POLB: variants seen among roughly 807,000 people sequenced by gnomAD.
POLB encodes 5'-dRP lyase.
POLB carries 37 observed loss-of-function variants against 52.7 expected under a neutral mutation model. That is an observed-to-expected ratio of 0.70 (90% confidence interval 0.54 to 0.92). The LOEUF (loss-of-function observed/expected upper bound fraction) is 0.92. Among genes scored for constraint, POLB ranks in the 40% least tolerant of loss-of-function variants. The probability of loss-of-function intolerance (pLI) is 0.00; values close to 1 mark genes in which losing one functional copy is unlikely to be tolerated. For missense variants in POLB, 313 were observed against 400.8 expected, an observed-to-expected ratio of 0.78 and a Z score of 1.87; for synonymous variants, 138 against 131.3, an observed-to-expected ratio of 1.05 and a Z score of -0.35.
rs753569815 is a variant in POLB at position 42,350,047 on chromosome 8, C to A, written c.302C>A (p.Thr101Asn). The A allele has an allele frequency of 3.1e-6, 5 of 1,605,474 alleles. No homozygotes were observed. The South Asian group carries it at 4.4e-5, about 14-fold the overall frequency. The change falls in exon 5 of 14, where the codon ACT becomes AAT. Residue 101 changes from threonine (T) to asparagine (N), a missense_variant. Physicochemically the swap from Thr to Asn is moderately conservative, Grantham distance 65. Around this residue, in one of 3 missense-constraint regions of POLB, gnomAD observed 246 missense variants for 297.6 expected, o/e 0.83. Transcript: ENST00000265421. ...ACGAGTTCATCCATCAATTTCCTGA[C>A]TCGAGTTAGTGGCATTGGGTAAGAA... Reference protein sequence around the residue: ...DDTSSSINFLTRVSGIGPSAA... With the variant: ...DDTSSSINFLNRVSGIGPSAA...
At chr8:42,342,955 G>A (rs1585866631) in intron 2 of POLB, among the ~76,000 whole-genome samples, 2 of 152,056 alleles carry the variant, frequency 1.3e-5, no homozygotes, top group Admixed American at 6.6e-5. Context: ...TTGGGAGACC[G>A]AGGCAGGTGG....
At chr8:42,370,259 G>GTTTT (rs34271342) in intron 13 of POLB, 94 of 290,462 alleles carry the variant, frequency 3.2e-4, no homozygotes, top group Middle Eastern at 7.9e-4. Flanking sequence ...ATCTAAAAGG[G>GTTTT]TTTTTTTTTT....
rs138219401 is a variant in POLB, at chr8:42,344,951, A to G, written c.120-2A>G. ...GGTTTTCCTTTTCTTCTTTCCTTAT[A>G]GAAAAGCAGCATCTGTTATAGCAAA... On this transcript the variant is annotated splice_acceptor_variant, in intron 2 of 13. Transcript: ENST00000265421. LOFTEE classifies it high-confidence loss of function. 6.3e-7 allele frequency: 1 copy of G among 1,584,330 alleles called. No individual in the cohort carries two copies. Among genetic ancestry groups the G allele is most frequent in the Non-Finnish European group, 8.7e-7 (1 of 1,153,372 alleles).
At chr8:42,361,595 G>C in intron 10 of POLB, 1 of 493,996 alleles carries the variant, frequency 2.0e-6, no homozygotes, top group Non-Finnish European at 3.6e-6. Flanking sequence ...AGAAAACATT[G>C]AATACAATAG....
At chr8:42,343,687 C>T (rs1329816425) in intron 2 of POLB, among the ~76,000 whole-genome samples, 1 of 152,058 alleles carries the variant, frequency 6.6e-6, no homozygotes, top group Non-Finnish European at 1.5e-5. Context: ...GTCTCCCCAT[C>T]CCTTGAGTAT....
Position 42,349,051 on chromosome 8 carries a change from T to A in POLB, c.222T>A (p.Asp74Glu). 6.2e-7 allele frequency: 1 copy of A among 1,606,682 alleles called. No individual in the cohort carries two copies. The highest frequency in any genetic ancestry group is 8.5e-7 in the Non-Finnish European group (1 of 1,174,450). ...GVGTKIAEKIDEFLATGKLRK... is the reference protein window; with the variant it reads ...GVGTKIAEKIEEFLATGKLRK... ...GAACAAAAATTGCTGAAAAGATTGA[T>A]GAGTTTTTAGCAACTGGAAAATTAC... is the stretch of plus-strand genomic sequence containing the variant. Residue 74 changes from aspartate (D) to glutamate (E), a missense_variant, in exon 4 of 14, where the codon GAT becomes GAA. Around this residue, in one of 3 missense-constraint regions of POLB, gnomAD observed 13 missense variants for 39.8 expected, o/e 0.33. Coordinates refer to ENST00000265421, the MANE Select transcript of POLB (RefSeq NM_002690.3).
chr8:42,357,541 G>GGGGAA, intron 9 of POLB, 149 bp downstream of exon 9: 7 of 519,126 alleles, frequency 1.3e-5, no homozygotes, highest in Non-Finnish European at 2.4e-5. Context: ...TTTGTTTATA[G>GGGGAA]ATGGGAATAT....
chr8:42,363,809 G>A (rs956488797), intron 11 of POLB, among the ~76,000 whole-genome samples: 2 of 152,004 alleles, frequency 1.3e-5, no homozygotes, highest in African/African-American at 4.8e-5. Context: ...AAAGTTGATT[G>A]GGGGGGAATT....
At chr8:42,370,060 T>G (rs1824281191) in intron 13 of POLB, 72 bp downstream of exon 13, 1 of 1,175,676 alleles carries the variant, frequency 8.5e-7, no homozygotes, top group Admixed American at 1.7e-5. Flanking sequence ...ATACTTTGGT[T>G]TAGCAAACCT....
intron 11 of POLB, among the ~76,000 whole-genome samples, chr8:42,368,435 C>T (rs1352263176): frequency 1.3e-5 from 2 of 152,186 alleles, no homozygotes; most frequent in Non-Finnish European, 2.9e-5. Flanking sequence ...CATGTGTTAA[C>T]TTGACCACTC....
At position 42,349,024 on chromosome 8, in the gene POLB, A is replaced by G; in HGVS notation, c.195A>G (p.Val65=). Residue 65 remains valine, a synonymous_variant, in exon 4 of 14, where the codon GTA becomes GTG. Coordinates refer to ENST00000265421, the MANE Select transcript of POLB (RefSeq NM_002690.3). ...SGAEAKKLPG[V]GTKIAEKIDE... ...TCTAATTTTCCATGTAGCCTGGAGT[A>G]GGAACAAAAATTGCTGAAAAGATTG... 6.3e-7 allele frequency: 1 copy of G among 1,590,010 alleles called. No homozygotes were observed. Among genetic ancestry groups the G allele is most frequent in the Non-Finnish European group, 8.6e-7 (1 of 1,159,398 alleles).
rs1821986272 is a variant in POLB, at chr8:42,338,546, TC to T, written c.-77del. ...GGTTGCTCCTGCTCCCGTCTCCAAGTCCTGGTACCTCCTTCAAGCTGGGAGA... is the reference window on the plus strand; with the variant it reads ...GGTTGCTCCTGCTCCCGTCTCCAAGTCTGGTACCTCCTTCAAGCTGGGAGA... On this transcript the variant is annotated 5_prime_UTR_variant, in exon 1 of 14. Coordinates refer to ENST00000265421, the MANE Select transcript of POLB (RefSeq NM_002690.3). 5.1e-5 allele frequency: 66 copies of T among 1,301,638 alleles called. No homozygotes were observed. The South Asian group carries it at 7.6e-4, about 15-fold the overall frequency. 80.6% of individuals were successfully genotyped at this position (1,301,638 alleles called of 1,614,324 possible). A position where few individuals can be genotyped will look rare whatever the true frequency, so the allele number is the denominator to read the frequency against.
At position 42,369,862 on chromosome 8, in the gene POLB, G is replaced by C. The variant is rs2130862734; in HGVS notation, c.787G>C (p.Asp263His). 2.5e-6 allele frequency: 4 copies of C among 1,589,364 alleles called. No individual in the cohort carries two copies. The East Asian group carries it at 8.9e-5, about 36-fold the overall frequency. ...RRIDIRLIPKDQYYCGVLYFT... is the reference protein window; with the variant it reads ...RRIDIRLIPKHQYYCGVLYFT... ...CATTTTTTTTAGGTTGATACCCAAA[G>C]ATCAGTATTACTGTGGTGTTCTCTA... Residue 263 changes from aspartate (D) to histidine (H), a missense_variant, in exon 13 of 14, where the codon GAT (aspartate) becomes CAT (histidine). This residue lies in a region of POLB where 246 missense variants were observed against 297.6 expected (regional missense o/e 0.83). Transcript: ENST00000265421.
chr8:42,354,464 G>T (rs1823175198), intron 6 of POLB: 1 of 1,285,108 alleles, frequency 7.8e-7, no homozygotes, highest in Non-Finnish European at 1.0e-6. Flanking sequence ...GAATGGAACT[G>T]AGTCACTTTT....
intron 6 of POLB, 132 bp from the exon 7 acceptor site, chr8:42,355,384 T>C (rs768651097): frequency 1.4e-5 from 9 of 627,782 alleles, no homozygotes; most frequent in Non-Finnish European, 2.6e-5. Flanking sequence ...AATTTTTGTC[T>C]CATTGTGTTT....
intron 2 of POLB, among the ~76,000 whole-genome samples, chr8:42,340,683 G>T (rs1215282937): frequency 1.3e-5 from 2 of 152,152 alleles, no homozygotes. Context: ...CTCCAAATCT[G>T]TGTATCACTG....
intron 9 of POLB, 22 bp from the exon 10 acceptor site, chr8:42,361,273 T>C (rs1823662828): frequency 1.9e-6 from 3 of 1,574,290 alleles, no homozygotes; most frequent in African/African-American, 1.3e-5. Context: ...GACAATCTCA[T>C]ATGTGTCTTC....
chr8:42,364,953 G>C (rs1823946852), intron 11 of POLB, among the ~76,000 whole-genome samples: 1 of 152,104 alleles, frequency 6.6e-6, no homozygotes, highest in Non-Finnish European at 1.5e-5. Context: ...TAGGCACAGT[G>C]GCTCATGTCT....
At chr8:42,363,067 G>A (rs921571108) in intron 11 of POLB, among the ~76,000 whole-genome samples, 1 of 151,240 alleles carries the variant, frequency 6.6e-6, no homozygotes, top group Admixed American at 6.6e-5. Context: ...GAGGTGCGGT[G>A]AGCATAGATC....
Sources: allele counts gnomAD v4.1 joint callset (sites outside exome capture counted in the v4.1 genomes callset), GRCh38; gene constraint gnomAD v4.1.1; regional missense constraint gnomAD v4.1.1; transcripts MANE v1.5; gene names NCBI Gene and HGNC (gene_info 2026-07-23, HGNC 2026-07-21).